The following KIF15 variants were observed in gnomAD, a reference collection of about 807,000 sequenced individuals.
KIF15 encodes the protein kinesin family member 15, also known as kinesin-like protein KIF15.
Under a neutral mutation model 190.6 loss-of-function variants are expected in KIF15, and 140 were observed. That is an observed-to-expected ratio of 0.73 (90% CI 0.64 to 0.84). The LOEUF is 0.84. KIF15 is among the 40% of genes least tolerant of loss of function. The pLI is 0.00. For synonymous variants in KIF15, 528 were observed against 551.3 expected (o/e 0.96, Z 0.59); for missense variants, 1,372 against 1,584.4 (o/e 0.87, Z 2.28).
chr3:44,854,720 A>G (rs1483905688), downstream of KIF15, among the ~76,000 whole-genome samples: 7 of 152,138 alleles, frequency 4.6e-5, no homozygotes, highest in Non-Finnish European at 4.4e-5. Flanking sequence ...GCAGTCCAAA[A>G]TCAAGGTGTG....
chr3:44,781,910 A>G (rs991251529), intron 5 of KIF15, among the ~76,000 whole-genome samples: 5 of 152,124 alleles, frequency 3.3e-5, no homozygotes, highest in Non-Finnish European at 5.9e-5. Context: ...TCCTTATAAA[A>G]CAGAGAAGTT....
intron 30 of KIF15, 74 bp downstream of exon 30, chr3:44,843,308 G>A: frequency 1.1e-6 from 1 of 899,000 alleles, no homozygotes; most frequent in Non-Finnish European, 1.8e-6. Flanking sequence ...GGTTGGAATT[G>A]GTTTCACAGG....
rs767206094 is a variant in KIF15, at chr3:44,805,124, G to T, written c.1785G>T (p.Leu595=). The T allele has an allele frequency of 3.0e-5, 49 of 1,613,446 alleles. No individual in the cohort carries two copies. Among genetic ancestry groups the T allele is most frequent in the Admixed American group, 8.3e-5 (5 of 59,928 alleles). Residue 595 remains leucine, a synonymous_variant, in exon 15 of 35, where the codon CTG becomes CTT. Transcript: ENST00000326047. ...AACTCCTGCAAATTCAGACAGAGCT[G>T]AATAATTCAAAGCAAGAATATGAAG... ...KAQLLQIQTE[L]NNSKQEYEEF...
Position 44,815,070 on chromosome 3 carries a change from A to G in KIF15, c.2543A>G (p.Asn848Ser). 1 of 1,587,594 alleles carries G rather than the reference A, an allele frequency of 6.3e-7. No individual in the cohort carries two copies. The highest frequency in any genetic ancestry group is 8.6e-7 in the Non-Finnish European group (1 of 1,169,018). Residue 848 changes from asparagine to serine, a missense_variant, in exon 20 of 35, where the codon AAT (asparagine) becomes AGT (serine). Coordinates refer to ENST00000326047, the MANE Select transcript of KIF15 (RefSeq NM_020242.3). ...ATGCATGTACAGCTTCAATTAGATAATCTCAGGTAGAGTTGTTCTTTTATG... is the reference window on the plus strand; with the variant it reads ...ATGCATGTACAGCTTCAATTAGATAGTCTCAGGTAGAGTTGTTCTTTTATG... ...RHMHVQLQLD[N>S]LRLENEKLLE... is the part of the protein sequence containing the mutation.
chr3:44,826,445 A>G lies in KIF15; in HGVS notation c.2771A>G (p.Lys924Arg). 1 of 1,609,160 alleles carries G rather than the reference A, an allele frequency of 6.2e-7. No homozygotes were observed. ...TTATCATTACAGTTTGAAGAAGATA[A>G]AGAAAACAGTTCTAAGTGAGTGCTA... is the stretch of plus-strand genomic sequence containing the variant. ...NKLSLQFEED[K>R]ENSSKEILKV... Residue 924 changes from lysine to arginine, a missense_variant, in exon 22 of 35, where the codon AAA becomes AGA. Transcript: ENST00000326047.
At chr3:44,821,325 G>C (rs867602753) in intron 20 of KIF15, among the ~76,000 whole-genome samples, 2,641 of 151,508 alleles carry the variant, frequency 0.017, 70 homozygotes, top group African/African-American at 0.06. Context: ...CTCCTTCCTG[G>C]ACGGGGTGGC....
At chr3:44,778,294 A>T in intron 4 of KIF15, 103 bp downstream of exon 4, 1 of 896,092 alleles carries the variant, frequency 1.1e-6, no homozygotes, top group South Asian at 1.3e-5. Context: ...AACAACACAA[A>T]TGTATTATGT....
chr3:44,784,334 G>A (rs1020657702), intron 5 of KIF15, among the ~76,000 whole-genome samples: 1 of 151,862 alleles, frequency 6.6e-6, no homozygotes, highest in Non-Finnish European at 1.5e-5. Flanking sequence ...TACCACGCCC[G>A]GCTACTTTTT....
chr3:44,774,428 A>G lies in KIF15; in HGVS notation c.53A>G (p.Asn18Ser), dbSNP rs1705781323. ...ELRSVTNGQS[N>S]QPSNEGDAIK... Reference sequence around the variant, plus strand: ...CGCAGCGTGACAAATGGTCAGTCTAACCAACCAAGGTAAGGAGAAAAATAT... The same window carrying G: ...CGCAGCGTGACAAATGGTCAGTCTAGCCAACCAAGGTAAGGAGAAAAATAT... The change falls in exon 2 of 35, where the codon AAC (asparagine) becomes AGC (serine). Residue 18 changes from asparagine to serine, a missense_variant. Asn to Ser is a conservative substitution (Grantham distance 46). Coordinates refer to ENST00000326047, the MANE Select transcript of KIF15 (RefSeq NM_020242.3). The G allele has an allele frequency of 6.2e-7, 1 of 1,613,308 alleles. No homozygotes were observed. The highest frequency in any genetic ancestry group is 1.3e-5 in the African/African-American group (1 of 74,874).
intron 8 of KIF15, among the ~76,000 whole-genome samples, chr3:44,795,574 T>TA (rs1235425036): frequency 2.6e-5 from 4 of 152,300 alleles, no homozygotes; most frequent in South Asian, 2.1e-4. Context: ...GATGACCACT[T>TA]ACGCTGTTTA....
At chr3:44,809,584 C>T (rs1271607630) in intron 16 of KIF15, among the ~76,000 whole-genome samples, 1 of 151,968 alleles carries the variant, frequency 6.6e-6, no homozygotes, top group African/African-American at 2.4e-5. Context: ...GTGGCTCACA[C>T]CTGTAATCTT....
chr3:44,813,034 C>A (rs1428629360), intron 18 of KIF15, 41 bp from the exon 19 acceptor site: 1 of 1,185,768 alleles, frequency 8.4e-7, no homozygotes, highest in Non-Finnish European at 1.2e-6. Context: ...TCTTAGCATG[C>A]CAGTATTCCT....
intron 22 of KIF15, 90 bp from the exon 23 acceptor site, chr3:44,827,368 TC>T: frequency 1.1e-6 from 1 of 888,596 alleles, no homozygotes; most frequent in South Asian, 1.6e-5. Flanking sequence ...CTAACAAAGT[TC>T]ATTTGCACTT....
intron 5 of KIF15, among the ~76,000 whole-genome samples, chr3:44,782,755 C>A (rs544730439): frequency 1.1e-4 from 17 of 152,174 alleles, no homozygotes; most frequent in Admixed American, 8.5e-4. Flanking sequence ...TGAGACTGTC[C>A]AAGAGAATAA....
rs2125688811 is a variant in KIF15 at position 44,826,453 on chromosome 3, A to G, written c.2779A>G (p.Ser927Gly). ...SLQFEEDKENSSKEILKVLEA... is the reference protein window; with the variant it reads ...SLQFEEDKENGSKEILKVLEA... ...ACAGTTTGAAGAAGATAAAGAAAAC[A>G]GTTCTAAGTGAGTGCTATTTATTTT... Residue 927 changes from serine to glycine, a missense_variant, in exon 22 of 35, where the codon AGT (serine) becomes GGT (glycine). By Grantham distance (56) the Ser-to-Gly change is moderately conservative. Transcript: ENST00000326047. 2 of 1,600,702 alleles carry G rather than the reference A, an allele frequency of 1.2e-6. No individual in the cohort carries two copies. The highest frequency in any genetic ancestry group is 4.5e-5 in the East Asian group (2 of 44,778).
intron 1 of KIF15, 100 bp downstream of exon 1, chr3:44,761,984 T>C: frequency 1.4e-6 from 2 of 1,467,256 alleles, no homozygotes. Flanking sequence ...TTGCTAGGCA[T>C]GAACTGCAGG....
At chr3:44,840,256 A>G in intron 27 of KIF15, 99 bp from the exon 28 acceptor site, 1 of 663,212 alleles carries the variant, frequency 1.5e-6, no homozygotes, top group Non-Finnish European at 2.6e-6. Context: ...TTTCATTTGC[A>G]TTTCCCTGAT....
At chr3:44,864,127 G>T in intron 6 of KIF15, 5 of 1,599,094 alleles carry the variant, frequency 3.1e-6, no homozygotes, top group Non-Finnish European at 3.4e-6. Flanking sequence ...ACAGTCCTGG[G>T]TGTGCTTTGA....
intron 20 of KIF15, among the ~76,000 whole-genome samples, chr3:44,820,032 T>A (rs1251643598): frequency 6.6e-6 from 1 of 152,204 alleles, no homozygotes; most frequent in Non-Finnish European, 1.5e-5. Context: ...TCTTTGTTGG[T>A]TTAAAGTCTG....
Sources: allele counts gnomAD v4.1 joint callset (sites outside exome capture counted in the v4.1 genomes callset), GRCh38; gene constraint gnomAD v4.1.1; transcripts MANE v1.5; gene names NCBI Gene and HGNC (gene_info 2026-07-23, HGNC 2026-07-21).